The following LRRC4C variants were observed in gnomAD, a reference collection of about 807,000 sequenced individuals.
The protein encoded by LRRC4C is leucine rich repeat containing 4C.
LRRC4C carries 5 observed loss-of-function variants against 33.6 expected under a neutral mutation model. The observed-to-expected ratio is 0.15, with a 90% CI of 0.08 to 0.31. The LOEUF is 0.31. LRRC4C is among the 10% of genes least tolerant of loss of function. The pLI, the probability that LRRC4C is intolerant of heterozygous loss-of-function variation, is 1.00. For synonymous variants in LRRC4C, 329 were observed against 302.0 expected (o/e 1.09, Z -0.93); for missense variants, 560 against 796.7 (o/e 0.70, Z 3.58).
intron 2 of LRRC4C, among the ~76,000 whole-genome samples, chr11:40,738,214 A>G (rs1290774047): frequency 3.9e-5 from 6 of 152,150 alleles, no homozygotes; most frequent in African/African-American, 1.4e-4. Context: ...TTTTGCAAAA[A>G]TTAACTCAAG....
chr11:40,487,376 C>T (rs1953916590), intron 3 of LRRC4C, among the ~76,000 whole-genome samples: 1 of 152,054 alleles, frequency 6.6e-6, no homozygotes, highest in Non-Finnish European at 1.5e-5. Context: ...CCAACTAATG[C>T]TCTTCAAATG....
intron 3 of LRRC4C, among the ~76,000 whole-genome samples, chr11:40,492,783 T>C (rs1408626108): frequency 1.3e-5 from 2 of 152,074 alleles, no homozygotes; most frequent in African/African-American, 4.8e-5. Flanking sequence ...CCTGCAAGAG[T>C]ATTCTGTCTT....
At chr11:40,570,950 T>C (rs755670791) in intron 3 of LRRC4C, among the ~76,000 whole-genome samples, 2 of 152,166 alleles carry the variant, frequency 1.3e-5, no homozygotes, top group Non-Finnish European at 2.9e-5. Context: ...TATGCTAAAA[T>C]ACAATTTTCT....
At chr11:41,046,584 C>T (rs1302771277) in intron 1 of LRRC4C, among the ~76,000 whole-genome samples, 1 of 152,100 alleles carries the variant, frequency 6.6e-6, no homozygotes, top group Non-Finnish European at 1.5e-5. Flanking sequence ...CTCTTTAGAT[C>T]CCTCGCTTAC....
At chr11:40,776,259 C>G (rs1444084806) in intron 2 of LRRC4C, among the ~76,000 whole-genome samples, 2 of 141,302 alleles carry the variant, frequency 1.4e-5, no homozygotes, top group African/African-American at 5.3e-5. Context: ...TCTTTGCCTC[C>G]TCCTGGATTT....
At chr11:41,304,852 A>G (rs367906124) in intron 1 of LRRC4C, among the ~76,000 whole-genome samples, 33,666 of 34,654 alleles carry the variant, frequency 0.97, 16,354 homozygotes, top group Middle Eastern at 1. Context: ...CAGCCGCCCC[A>G]TCCGGGAGGG....
intron 5 of LRRC4C, among the ~76,000 whole-genome samples, chr11:40,142,511 G>A (rs955411768): frequency 5.9e-5 from 9 of 151,976 alleles, no homozygotes; most frequent in Non-Finnish European, 7.4e-5. Context: ...TCAAATAGCC[G>A]GTTCTCAATT....
chr11:41,112,895 GGTGT>G (rs150006340), intron 1 of LRRC4C, among the ~76,000 whole-genome samples: 2 of 151,928 alleles, frequency 1.3e-5, no homozygotes, highest in South Asian at 2.1e-4. Flanking sequence ...TATATGAGTA[GGTGT>G]GTGTGTGTGC....
chr11:41,024,643 G>T (rs1246752170), intron 1 of LRRC4C, among the ~76,000 whole-genome samples: 2 of 151,586 alleles, frequency 1.3e-5, no homozygotes, highest in Non-Finnish European at 3.0e-5. Context: ...GCATTATATG[G>T]CTTCATCTTA....
chr11:41,391,974 C>T (rs1186674029), intron 1 of LRRC4C, among the ~76,000 whole-genome samples: 1 of 151,836 alleles, frequency 6.6e-6, no homozygotes, highest in Non-Finnish European at 1.5e-5. Flanking sequence ...TGCTCAAAGT[C>T]ACCTGGTTAG....
chr11:40,299,015 T>C (rs1944646730), intron 4 of LRRC4C, among the ~76,000 whole-genome samples: 2 of 152,124 alleles, frequency 1.3e-5, no homozygotes, highest in African/African-American at 4.8e-5. Flanking sequence ...AGCCAGACCA[T>C]ATCAGGAGGT....
intron 1 of LRRC4C, among the ~76,000 whole-genome samples, chr11:41,025,866 G>A (rs1252284415): frequency 2.0e-5 from 3 of 151,688 alleles, no homozygotes; most frequent in Admixed American, 2.0e-4. Flanking sequence ...CACATAGTCT[G>A]GAAGATAGCA....
At chr11:41,062,656 C>A (rs7106502) in intron 1 of LRRC4C, among the ~76,000 whole-genome samples, 147,656 of 152,318 alleles carry the variant, frequency 0.97, 71,748 homozygotes, top group East Asian at 1. Flanking sequence ...TACTGGGTAG[C>A]ATAATGCCCT....
At chr11:40,211,140 C>G (rs928943026) in intron 5 of LRRC4C, among the ~76,000 whole-genome samples, 4 of 152,182 alleles carry the variant, frequency 2.6e-5, no homozygotes, top group African/African-American at 9.6e-5. Flanking sequence ...AAGTATCTTG[C>G]AGTACTTTAC....
intron 1 of LRRC4C, among the ~76,000 whole-genome samples, chr11:41,131,374 A>G (rs1225896426): frequency 6.6e-6 from 1 of 152,024 alleles, no homozygotes; most frequent in African/African-American, 2.4e-5. Context: ...TCTAACTCAA[A>G]TCTCATTTTT....
chr11:40,458,669 A>G (rs986230915), intron 3 of LRRC4C, among the ~76,000 whole-genome samples: 4 of 152,098 alleles, frequency 2.6e-5, no homozygotes, highest in Non-Finnish European at 4.4e-5. Flanking sequence ...TCTCACCTAA[A>G]CTTGTTTTCT....
At chr11:40,150,379 A>G (rs1472446179) in intron 5 of LRRC4C, among the ~76,000 whole-genome samples, 1 of 152,388 alleles carries the variant, frequency 6.6e-6, no homozygotes, top group African/African-American at 2.4e-5. Flanking sequence ...GGCCAGGTAA[A>G]GCAATTTCTT....
intron 1 of LRRC4C, among the ~76,000 whole-genome samples, chr11:41,356,592 T>C (rs1952169511): frequency 6.6e-6 from 1 of 152,172 alleles, no homozygotes; most frequent in Non-Finnish European, 1.5e-5. Context: ...GTGCCATTTT[T>C]GGCATGACTT....
chr11:40,243,830 A>C lies in LRRC4C; in HGVS notation c.-175-2232T>G, dbSNP rs573959878. Among the ~76,000 whole-genome samples, 518 of 147,036 alleles carry C rather than the reference A, an allele frequency of 3.5e-3. 3 individuals are homozygous for C. The highest frequency in any genetic ancestry group is 5.7e-3 in the Non-Finnish European group (381 of 67,122). On this transcript the variant is annotated intron_variant, in intron 4 of 6. Transcript: ENST00000528697. ...TCAGCTCTTGAGTAGCTGGGATTATAGGCTCCTGCCACCACACCTGGGTAT... is the reference window on the plus strand; with the variant it reads ...TCAGCTCTTGAGTAGCTGGGATTATCGGCTCCTGCCACCACACCTGGGTAT...
Sources: allele counts gnomAD v4.1 joint callset (sites outside exome capture counted in the v4.1 genomes callset), GRCh38; gene constraint gnomAD v4.1.1; transcripts MANE v1.5; gene names NCBI Gene and HGNC (gene_info 2026-07-23, HGNC 2026-07-21).